ADAMTS3: variants seen among roughly 807,000 people sequenced by gnomAD.
ADAMTS3 encodes the protein A disintegrin and metalloproteinase with thrombospondin motifs 3.
A neutral mutation model predicts 129.0 loss-of-function variants in ADAMTS3; 73 were observed. The observed-to-expected ratio is 0.57, with a 90% CI of 0.47 to 0.69. ADAMTS3 has a LOEUF of 0.69. Ranked by LOEUF, ADAMTS3 falls within the 30% of genes least tolerant of loss-of-function variation. The probability of loss-of-function intolerance (pLI) is 0.00; values close to 1 mark genes in which losing one functional copy is unlikely to be tolerated. For synonymous variants in ADAMTS3, 477 were observed against 510.8 expected (o/e 0.93, Z 0.89); for missense variants, 1,457 against 1,514.5 (o/e 0.96, Z 0.63).
At chr4:72,399,842 C>A (rs530629091) in intron 4 of ADAMTS3, among the ~76,000 whole-genome samples, 1 of 111,586 alleles carries the variant, frequency 9.0e-6, no homozygotes, top group Non-Finnish European at 1.8e-5. Context: ...TATATATATA[C>A]ACACACGGTG....
Position 72,283,048 on chromosome 4 carries a change from AT to A in ADAMTS3, c.*87del. The A allele has an allele frequency of 1.7e-6, 2 of 1,147,826 alleles. No individual in the cohort carries two copies. Among genetic ancestry groups the A allele is most frequent in the Non-Finnish European group, 2.5e-6 (2 of 802,208 alleles). 71.1% of individuals were successfully genotyped at this position (1,147,826 alleles called of 1,614,324 possible). A position where few individuals can be genotyped will look rare whatever the true frequency, so the allele number is the denominator to read the frequency against. On this transcript the variant is annotated 3_prime_UTR_variant, in exon 22 of 22. Transcript: ENST00000286657. ...TAAAATGAGCTGACGATCTATAGAG[AT>A]TTCCACTTTAAACAAGCATATGCAC...
rs531126651 is a variant in ADAMTS3, at chr4:72,320,588, A to T, written c.1102+126T>A. 1.4e-5 allele frequency: 14 copies of T among 973,364 alleles called. No homozygotes were observed. In the South Asian group the frequency reaches 2.5e-4, roughly 17 times the overall value. 60.3% of individuals were successfully genotyped at this position (973,364 alleles called of 1,614,324 possible). A position where few individuals can be genotyped will look rare whatever the true frequency, so the allele number is the denominator to read the frequency against. ...ACTGTAAGCAAAAGAAAGAAAATGT[A>T]TGCTTGGCCGGTGTGTGGTGGAAAG... On this transcript the variant is annotated intron_variant, in intron 7 of 21. Coordinates refer to ENST00000286657, the MANE Select transcript of ADAMTS3 (RefSeq NM_014243.3).
intron 3 of ADAMTS3, among the ~76,000 whole-genome samples, chr4:72,438,636 C>T (rs926314834): frequency 6.6e-6 from 1 of 151,652 alleles, no homozygotes; most frequent in Non-Finnish European, 1.5e-5. Flanking sequence ...CCTCTGTGCA[C>T]TTGAGTGAGT....
chr4:72,502,529 A>T (rs1430636295), intron 3 of ADAMTS3, among the ~76,000 whole-genome samples: 1 of 152,016 alleles, frequency 6.6e-6, no homozygotes, highest in African/African-American at 2.4e-5. Context: ...AGAGCAATCT[A>T]TCAATCTTGT....
At chr4:72,493,446 T>C (rs975900091) in intron 3 of ADAMTS3, among the ~76,000 whole-genome samples, 1 of 152,012 alleles carries the variant, frequency 6.6e-6, no homozygotes, top group Non-Finnish European at 1.5e-5. Flanking sequence ...AGTTTTAACC[T>C]TCTATTTTAA....
chr4:72,532,252 G>A (rs1721063548), intron 3 of ADAMTS3, among the ~76,000 whole-genome samples: 1 of 152,092 alleles, frequency 6.6e-6, no homozygotes, highest in East Asian at 1.9e-4. Flanking sequence ...GTGGAACCCA[G>A]AAGTCTGTTT....
chr4:72,473,741 T>A (rs1719146871), intron 3 of ADAMTS3, among the ~76,000 whole-genome samples: 1 of 152,154 alleles, frequency 6.6e-6, no homozygotes, highest in Admixed American at 6.5e-5. Context: ...TAGTACACTG[T>A]GTACTATCAG....
At chr4:72,428,428 T>A (rs903484868) in intron 3 of ADAMTS3, among the ~76,000 whole-genome samples, 1 of 152,054 alleles carries the variant, frequency 6.6e-6, no homozygotes, top group African/African-American at 2.4e-5. Context: ...TTTATTAGGA[T>A]GTGCAAGAAA....
At chr4:72,361,193 T>A (rs1720718662) in intron 4 of ADAMTS3, among the ~76,000 whole-genome samples, 1 of 152,194 alleles carries the variant, frequency 6.6e-6, no homozygotes, top group Admixed American at 6.6e-5. Context: ...ATTATACATT[T>A]TTTAACCTTC....
chr4:72,446,090 C>T (rs774975399), intron 3 of ADAMTS3, among the ~76,000 whole-genome samples: 1 of 151,636 alleles, frequency 6.6e-6, no homozygotes, highest in African/African-American at 2.4e-5. Flanking sequence ...CTCAACTTGA[C>T]CTCAAGGGCC....
chr4:72,364,176 A>G (rs34114752), intron 4 of ADAMTS3, among the ~76,000 whole-genome samples: 86,337 of 152,012 alleles, frequency 0.57, 28,917 homozygotes, highest in Non-Finnish European at 0.77. Context: ...TCCAAATTCA[A>G]AACACAGAAC....
intron 3 of ADAMTS3, among the ~76,000 whole-genome samples, chr4:72,496,162 TC>T (rs1295697986): frequency 6.6e-6 from 1 of 152,224 alleles, no homozygotes; most frequent in Admixed American, 6.5e-5. Context: ...ACAGAGGAAA[TC>T]TTCAATCTAC....
At chr4:72,396,260 A>C (rs1448755561) in intron 4 of ADAMTS3, among the ~76,000 whole-genome samples, 2 of 152,184 alleles carry the variant, frequency 1.3e-5, no homozygotes, top group Non-Finnish European at 2.9e-5. Flanking sequence ...GGAAAAAGCA[A>C]ATGTAACAGC....
intron 5 of ADAMTS3, among the ~76,000 whole-genome samples, chr4:72,323,860 T>A (rs886796644): frequency 6.6e-6 from 1 of 152,200 alleles, no homozygotes; most frequent in Non-Finnish European, 1.5e-5. Flanking sequence ...ATAGTCCAAT[T>A]CTGTTTTATA....
intron 4 of ADAMTS3, among the ~76,000 whole-genome samples, chr4:72,393,994 C>A (rs1165982005): frequency 1.3e-5 from 2 of 152,200 alleles, no homozygotes; most frequent in Non-Finnish European, 2.9e-5. Flanking sequence ...TAAATACCAG[C>A]TCACTCTTTT....
intron 3 of ADAMTS3, among the ~76,000 whole-genome samples, chr4:72,529,602 T>C (rs1471294038): frequency 7.1e-6 from 1 of 141,182 alleles, no homozygotes; most frequent in African/African-American, 2.6e-5. Flanking sequence ...CTGTACAGGT[T>C]TGCAGCCTGG....
intron 16 of ADAMTS3, 132 bp from the exon 17 acceptor site, chr4:72,304,212 G>T: frequency 1.2e-6 from 1 of 868,160 alleles, no homozygotes. Context: ...AATCAAAATG[G>T]GTGTTAGTTC....
At position 72,530,445 on chromosome 4, in the gene ADAMTS3, A is replaced by G. The variant is rs1364500579; in HGVS notation, c.504+18033T>C. ...TATTAAATTAATATATGTTAATTTA[A>G]TATATATTATATATTAAATATATTA... On this transcript the variant is annotated intron_variant, in intron 3 of 21. Transcript: ENST00000286657. 4.5e-5 allele frequency among the ~76,000 whole-genome samples: 4 copies of G among 88,850 alleles called. No homozygotes were observed. The East Asian group carries it at 1.4e-3, about 31-fold the overall frequency. 58.3% of individuals were successfully genotyped at this position (88,850 alleles called of 152,430 possible).
chr4:72,494,470 T>C (rs1024897332), intron 3 of ADAMTS3, among the ~76,000 whole-genome samples: 2 of 152,176 alleles, frequency 1.3e-5, no homozygotes, highest in African/African-American at 2.4e-5. Flanking sequence ...TTTGTTCTTG[T>C]ATTGTTTTCT....
Sources: gnomAD v4.1 joint callset for allele counts (sites outside exome capture counted in the v4.1 genomes callset) on GRCh38, gnomAD v4.1.1 for gene constraint, MANE v1.5 for transcripts, NCBI Gene and HGNC (gene_info 2026-07-23, HGNC 2026-07-21) for gene names.